The following ZNF254 variants were observed in gnomAD, a reference collection of about 807,000 sequenced individuals.
ZNF254 encodes the protein zinc finger protein 254.
A neutral mutation model predicts 12.4 loss-of-function variants in ZNF254; 10 were observed. That is an observed-to-expected ratio of 0.80 (90% CI 0.50 to 1.36). The LOEUF is 1.36. Ranked by LOEUF, ZNF254 falls within the 40% of genes most tolerant of loss-of-function variation. The pLI is 0.00. For missense variants in ZNF254, 996 were observed against 763.9 expected, an observed-to-expected ratio of 1.30 and a Z score of -3.58; for synonymous variants, 305 against 253.4, an observed-to-expected ratio of 1.20 and a Z score of -1.93.
At chr19:24,042,765 C>T (rs1398926042) in intron 1 of ZNF254, among the ~76,000 whole-genome samples, 1 of 152,204 alleles carries the variant, frequency 6.6e-6, no homozygotes, top group African/African-American at 2.4e-5. Flanking sequence ...TATTTACTTT[C>T]CTCTCCACTA....
intron 3 of ZNF254, among the ~76,000 whole-genome samples, chr19:24,115,686 AAG>A (rs1974009979): frequency 6.6e-6 from 1 of 152,140 alleles, no homozygotes; most frequent in Admixed American, 6.6e-5. Flanking sequence ...ATAATAAAAA[AAG>A]AAAAATAAAT....
chr19:24,116,121 C>T (rs956865461), intron 3 of ZNF254, among the ~76,000 whole-genome samples: 6 of 152,148 alleles, frequency 3.9e-5, no homozygotes, highest in Non-Finnish European at 7.3e-5. Flanking sequence ...CTCTGGCTGC[C>T]CTTAACATTT....
At chr19:24,122,545 G>A (rs1229276095) in intron 3 of ZNF254, among the ~76,000 whole-genome samples, 1 of 151,944 alleles carries the variant, frequency 6.6e-6, no homozygotes, top group Non-Finnish European at 1.5e-5. Flanking sequence ...CTGTTTTATG[G>A]CACTTTGCAA....
chr19:24,126,609 T>A lies in ZNF254; in HGVS notation c.609T>A (p.Ile203=), dbSNP rs1232285316. ...CACATAAAACCCAACACAAAAGCAT[T>A]TATCATAGAGAGAAGTCCTACAAAT... ...MLSHKTQHKS[I]YHREKSYKCK... is the part of the protein sequence containing the mutation. The change falls in exon 4 of 4, where the codon ATT becomes ATA. Residue 203 remains isoleucine, a synonymous_variant. Transcript: ENST00000357002. The A allele has an allele frequency of 2.5e-6, 4 of 1,605,976 alleles. No individual in the cohort carries two copies. The highest frequency in any genetic ancestry group is 3.4e-6 in the Non-Finnish European group (4 of 1,178,006).
intron 1 of ZNF254, among the ~76,000 whole-genome samples, chr19:24,036,854 C>A (rs1270137219): frequency 1.3e-5 from 2 of 152,204 alleles, no homozygotes; most frequent in Non-Finnish European, 1.5e-5. Context: ...TACTAATGAA[C>A]ATACCCACTA....
intron 3 of ZNF254, among the ~76,000 whole-genome samples, chr19:24,115,214 A>G (rs183676508): frequency 6.6e-6 from 1 of 151,950 alleles, no homozygotes; most frequent in East Asian, 1.9e-4. Flanking sequence ...TGCTATAAAG[A>G]CACATGCACA....
intron 1 of ZNF254, among the ~76,000 whole-genome samples, chr19:24,045,902 A>C (rs747614574): frequency 8.6e-5 from 13 of 151,898 alleles, no homozygotes; most frequent in Non-Finnish European, 1.8e-4. Context: ...TTTTGCTTTC[A>C]GGAAAAAAAA....
chr19:24,053,025 C>T (rs192303906), intron 2 of ZNF254, among the ~76,000 whole-genome samples: 380 of 152,308 alleles, frequency 2.5e-3, no homozygotes, highest in African/African-American at 9.0e-3. Flanking sequence ...GGTTGCGACA[C>T]TCATATGCAT....
upstream of ZNF254, among the ~76,000 whole-genome samples, chr19:24,086,832 T>C (rs1972058532): frequency 6.6e-6 from 1 of 152,244 alleles, no homozygotes; most frequent in Non-Finnish European, 1.5e-5. Context: ...TAATACATTA[T>C]TACTAAAGTA....
Position 24,109,328 on chromosome 19 carries a change from A to C in ZNF254, c.253+2685A>C, listed in dbSNP as rs140409990. ...TAAAACACCTGCCTTCCTTGAATGC[A>C]CAGTTACAGTCAAACATTGCAGTTA... On this transcript the variant is annotated intron_variant, in intron 3 of 3. Coordinates refer to ENST00000357002, the MANE Select transcript of ZNF254 (RefSeq NM_203282.4). Among the ~76,000 whole-genome samples the C allele has an allele frequency of 2.1e-3, 317 of 152,336 alleles. 2 individuals carry two copies. The highest frequency in any genetic ancestry group is 7.3e-3 in the African/African-American group (303 of 41,582).
chr19:24,087,271 C>A lies in ZNF254; in HGVS notation c.-37C>A. 1.9e-6 allele frequency: 3 copies of A among 1,612,616 alleles called. No individual in the cohort carries two copies. The highest frequency in any genetic ancestry group is 2.5e-6 in the Non-Finnish European group (3 of 1,179,116). On this transcript the variant is annotated 5_prime_UTR_variant, in exon 1 of 4. Coordinates refer to ENST00000357002, the MANE Select transcript of ZNF254 (RefSeq NM_203282.4). ...GCTCCTAGAGGCCCAGCCTCTGTGGCGCTGTTACCAGCAGGTATTGGAGAT... is the reference window on the plus strand; with the variant it reads ...GCTCCTAGAGGCCCAGCCTCTGTGGAGCTGTTACCAGCAGGTATTGGAGAT...
chr19:24,049,354 GCACC>G (rs1970560498), intron 2 of ZNF254: 1 of 151,234 alleles, frequency 6.6e-6, no homozygotes, highest in African/African-American at 2.4e-5. Flanking sequence ...TTACAGGCAT[GCACC>G]ACCATGCACA....
At chr19:24,041,698 G>A (rs1306124256) in intron 1 of ZNF254, among the ~76,000 whole-genome samples, 3 of 152,236 alleles carry the variant, frequency 2.0e-5, no homozygotes, top group Non-Finnish European at 4.4e-5. Context: ...TGAGGAATGC[G>A]AGCGCACGGC....
intron 2 of ZNF254, among the ~76,000 whole-genome samples, chr19:24,063,221 A>G (rs1599623587): frequency 6.6e-6 from 1 of 152,350 alleles, no homozygotes; most frequent in Middle Eastern, 3.4e-3. Flanking sequence ...TCCTTGACTC[A>G]GGACATGAGT....
At chr19:24,108,747 CTG>C (rs1973485940) in intron 3 of ZNF254, among the ~76,000 whole-genome samples, 1 of 152,086 alleles carries the variant, frequency 6.6e-6, no homozygotes, top group African/African-American at 2.4e-5. Flanking sequence ...TAAATTTTAA[CTG>C]TTTTCTACTT....
At chr19:24,123,247 G>C (rs539447725) in intron 3 of ZNF254, among the ~76,000 whole-genome samples, 1 of 151,916 alleles carries the variant, frequency 6.6e-6, no homozygotes. Context: ...TTTTATACTC[G>C]TACTCCATTT....
intron 3 of ZNF254, among the ~76,000 whole-genome samples, chr19:24,120,732 A>G (rs1974421154): frequency 6.6e-6 from 1 of 151,944 alleles, no homozygotes; most frequent in African/African-American, 2.4e-5. Context: ...GGACAATCTC[A>G]GCTCCCTGCA....
intron 1 of ZNF254, among the ~76,000 whole-genome samples, chr19:24,102,981 C>T (rs1401966566): frequency 4.6e-5 from 7 of 152,138 alleles, no homozygotes; most frequent in Admixed American, 2.0e-4. Context: ...TATCAACTCA[C>T]AGGGTATTAT....
chr19:24,128,251 C>A lies in ZNF254; in HGVS notation c.*271C>A. 1 of 361,676 alleles carries A rather than the reference C, an allele frequency of 2.8e-6. No individual in the cohort carries two copies. The highest frequency in any genetic ancestry group is 4.2e-5 in the Admixed American group (1 of 23,916). The allele number at this position is 361,676 out of a possible 1,614,324, so 22.4% of individuals were successfully genotyped here. On this transcript the variant is annotated 3_prime_UTR_variant, in exon 4 of 4. Coordinates refer to ENST00000357002, the MANE Select transcript of ZNF254 (RefSeq NM_203282.4). ...GCCAAGCTTCGACAATGCTCACACC[C>A]TATTGCACAGGAAAGCATTTATACT...
Sources: gnomAD v4.1 joint callset for allele counts (sites outside exome capture counted in the v4.1 genomes callset) on GRCh38, gnomAD v4.1.1 for gene constraint, MANE v1.5 for transcripts, NCBI Gene and HGNC (gene_info 2026-07-23, HGNC 2026-07-21) for gene names.